ALPK2: variants seen among roughly 807,000 people sequenced by gnomAD.
ALPK2 encodes alpha-protein kinase 2.
In ALPK2, 127 loss-of-function variants were observed where a neutral mutation model predicts 163.1. That is an observed-to-expected ratio of 0.78 (90% CI 0.67 to 0.90). ALPK2 has a LOEUF of 0.90. Ranked by LOEUF, ALPK2 falls within the 40% of genes least tolerant of loss-of-function variation. The pLI, the probability that ALPK2 is intolerant of heterozygous loss-of-function variation, is 0.00. For synonymous variants in ALPK2, 953 were observed against 959.1 expected (o/e 0.99, Z 0.12); for missense variants, 2,360 against 2,589.6 (o/e 0.91, Z 1.92).
chr18:58,547,815 A>C (rs560708927), intron 4 of ALPK2, among the ~76,000 whole-genome samples: 1 of 152,320 alleles, frequency 6.6e-6, no homozygotes, highest in East Asian at 1.9e-4. Context: ...TATGTAGACC[A>C]TGAGCCTGGG....
chr18:58,624,792 C>T (rs1360292044), intron 1 of ALPK2, among the ~76,000 whole-genome samples: 1 of 152,228 alleles, frequency 6.6e-6, no homozygotes, highest in Non-Finnish European at 1.5e-5. Flanking sequence ...GGCATACCCT[C>T]TCCTCATTGG....
At chr18:58,527,332 A>G (rs2051589658) in intron 6 of ALPK2, among the ~76,000 whole-genome samples, 1 of 152,270 alleles carries the variant, frequency 6.6e-6, no homozygotes, top group Non-Finnish European at 1.5e-5. Context: ...CAAATGAATT[A>G]TAACTCTTAA....
chr18:58,599,892 G>T (rs1299524041), intron 3 of ALPK2, among the ~76,000 whole-genome samples: 2 of 152,082 alleles, frequency 1.3e-5, no homozygotes, highest in Non-Finnish European at 1.5e-5. Context: ...ATAGATCTGG[G>T]ATTTAAACCC....
At chr18:58,540,299 G>T (rs2051683524) in intron 4 of ALPK2, among the ~76,000 whole-genome samples, 1 of 152,178 alleles carries the variant, frequency 6.6e-6, no homozygotes, top group African/African-American at 2.4e-5. Flanking sequence ...TCCTGACTTT[G>T]CAACAACCCC....
At position 58,579,997 on chromosome 18, in the gene ALPK2, C is replaced by A; in HGVS notation, c.779G>T (p.Ser260Ile). 6.2e-7 allele frequency: 1 copy of A among 1,614,208 alleles called. No homozygotes were observed. Among genetic ancestry groups the A allele is most frequent in the Non-Finnish European group, 8.5e-7 (1 of 1,180,038 alleles). Residue 260 changes from serine (S) to isoleucine (I), a missense_variant, in exon 4 of 13, where the codon AGT becomes ATT. By Grantham distance (142) the Ser-to-Ile change is moderately radical (BLOSUM62 -2). Transcript: ENST00000361673. ...DGPHDEGLRS[S>I]QQNPKVQKYI... ...TTTCTGTACTTTGGGATTTTGCTGA[C>A]TAGAGCGTAAGCCTTCATCATGAGG...
At chr18:58,496,151 C>A (rs1358221999) in intron 12 of ALPK2, among the ~76,000 whole-genome samples, 1 of 152,102 alleles carries the variant, frequency 6.6e-6, no homozygotes, top group East Asian at 1.9e-4. Flanking sequence ...GACGTTCATC[C>A]CCCTCATCAG....
chr18:58,612,143 C>G (rs1356125009), intron 1 of ALPK2, among the ~76,000 whole-genome samples: 1 of 152,122 alleles, frequency 6.6e-6, no homozygotes. Flanking sequence ...TGGGGGGGTG[C>G]CCTGATTAAG....
At chr18:58,520,840 A>G (rs1039602975) in intron 8 of ALPK2, among the ~76,000 whole-genome samples, 1 of 152,168 alleles carries the variant, frequency 6.6e-6, no homozygotes, top group Non-Finnish European at 1.5e-5. Context: ...AATTTAAAAA[A>G]AGTGTGATTA....
Position 58,537,873 on chromosome 18 carries a change from C to T in ALPK2, c.2314G>A (p.Val772Met). ...TCAGGGGAAGCAACAGAGACAGCCA[C>T]AGGCTCCCTGAAGTCAGCACGAGCA... ...KDARADFREP[V>M]AVSVASPEPT... Residue 772 changes from valine (V) to methionine (M), a missense_variant, in exon 5 of 13, where the codon GTG becomes ATG. Val to Met is a conservative substitution (Grantham distance 21, BLOSUM62 1). Coordinates refer to ENST00000361673, the MANE Select transcript of ALPK2 (RefSeq NM_052947.4). 6.2e-7 allele frequency: 1 copy of T among 1,614,170 alleles called. No individual in the cohort carries two copies. Among genetic ancestry groups the T allele is most frequent in the Non-Finnish European group, 8.5e-7 (1 of 1,180,008 alleles).
intron 11 of ALPK2, among the ~76,000 whole-genome samples, chr18:58,501,192 A>G (rs776143929): frequency 2.6e-5 from 4 of 152,236 alleles, no homozygotes; most frequent in Non-Finnish European, 5.9e-5. Flanking sequence ...TCATTTACAG[A>G]GAGATGTGAT....
intron 3 of ALPK2, among the ~76,000 whole-genome samples, chr18:58,596,280 T>G (rs1310252606): frequency 6.6e-6 from 1 of 152,204 alleles, no homozygotes; most frequent in Non-Finnish European, 1.5e-5. Context: ...CGGTGCTGGC[T>G]GTGTCCTGTG....
intron 3 of ALPK2, among the ~76,000 whole-genome samples, chr18:58,591,335 T>G (rs1031071213): frequency 1.3e-5 from 2 of 152,166 alleles, no homozygotes; most frequent in African/African-American, 2.4e-5. Flanking sequence ...GCCAAAAAAA[T>G]GGTAGGAAAT....
intron 10 of ALPK2, among the ~76,000 whole-genome samples, chr18:58,512,606 G>T (rs748328935): frequency 6.6e-6 from 1 of 152,058 alleles, no homozygotes; most frequent in Admixed American, 6.6e-5. Flanking sequence ...TGTATGTGTT[G>T]TGTGTGTGGT....
chr18:58,610,491 A>T (rs554214083), intron 2 of ALPK2, among the ~76,000 whole-genome samples: 25 of 152,286 alleles, frequency 1.6e-4, no homozygotes, highest in African/African-American at 6.0e-4. Flanking sequence ...GAGTACCCAT[A>T]CTTGATCAAT....
chr18:58,605,202 C>T (rs1157811007), intron 3 of ALPK2, among the ~76,000 whole-genome samples: 1 of 152,138 alleles, frequency 6.6e-6, no homozygotes, highest in Non-Finnish European at 1.5e-5. Flanking sequence ...TGGTCCCTCG[C>T]CTGTTTTTGT....
In ALPK2 at chr18:58,623,079, A is replaced by G. The variant is rs144280669; in HGVS notation, c.-21+5685T>C. 1.0e-3 allele frequency among the ~76,000 whole-genome samples: 158 copies of G among 152,312 alleles called. 1 individual carries two copies. Among genetic ancestry groups the G allele is most frequent in the African/African-American group, 3.6e-3 (148 of 41,572 alleles). On this transcript the variant is annotated intron_variant, in intron 1 of 12. Coordinates refer to ENST00000361673, the MANE Select transcript of ALPK2 (RefSeq NM_052947.4). ...ATGCTGAACTAACCACCTGTCAGCA[A>G]GTCCAGTCAGAAAAAAGCAGTGGTG...
intron 4 of ALPK2, among the ~76,000 whole-genome samples, chr18:58,554,224 T>C (rs547310545): frequency 6.6e-6 from 1 of 152,260 alleles, no homozygotes; most frequent in African/African-American, 2.4e-5. Flanking sequence ...AGCTATCGTC[T>C]TTGGGGCTGG....
At chr18:58,522,143 C>T (rs542226705) in intron 8 of ALPK2, among the ~76,000 whole-genome samples, 19 of 152,302 alleles carry the variant, frequency 1.2e-4, no homozygotes, top group African/African-American at 4.1e-4. Context: ...GGATCCTCCC[C>T]TGTGCTGAAA....
rs144343978 is a variant in ALPK2, at chr18:58,481,628, C to G, written c.*195G>C. ...GATTCAATCTCCCCATAAACCTGGT[C>G]GCAAATCCTGTTCTGAAATCATTTG... On this transcript the variant is annotated 3_prime_UTR_variant, in exon 13 of 13. Coordinates refer to ENST00000361673, the MANE Select transcript of ALPK2 (RefSeq NM_052947.4). 1 of 599,716 alleles carries G rather than the reference C, an allele frequency of 1.7e-6. No individual in the cohort carries two copies. Among genetic ancestry groups the G allele is most frequent in the Non-Finnish European group, 3.0e-6 (1 of 333,248 alleles). The allele number at this position is 599,716 out of a possible 1,614,324, so 37.1% of individuals were successfully genotyped here.
Sources: gnomAD v4.1 joint callset for allele counts (sites outside exome capture counted in the v4.1 genomes callset) on GRCh38, gnomAD v4.1.1 for gene constraint, MANE v1.5 for transcripts, NCBI Gene and HGNC (gene_info 2026-07-23, HGNC 2026-07-21) for gene names.